Variants in SDK2 observed in about 807,000 individuals in gnomAD.
The protein encoded by SDK2 is protein sidekick-2.
Under a neutral mutation model 253.9 loss-of-function variants are expected in SDK2, and 105 were observed. The ratio of observed to expected loss-of-function variants is 0.41; its 90% CI spans 0.35 to 0.49. The LOEUF (loss-of-function observed/expected upper bound fraction) is 0.49, where lower values mean the gene tolerates loss of function less well. SDK2 is among the 20% of genes least tolerant of loss of function. The pLI is 0.06. For synonymous variants in SDK2, 1,249 were observed against 1,234.9 expected (o/e 1.01, Z -0.24); for missense variants, 2,608 against 3,003.0 (o/e 0.87, Z 3.07).
Position 73,433,786 on chromosome 17 carries a change from C to A in SDK2, c.1258G>T (p.Val420Leu). The change falls in exon 10 of 45, where the codon GTG (valine) becomes TTG (leucine). Residue 420 changes from valine (V) to leucine (L), a missense_variant. This residue lies in a region of SDK2 where 1,505 missense variants were observed against 1,859.1 expected (regional missense o/e 0.81). Transcript: ENST00000392650. The stretch of plus-strand genomic sequence containing the variant: ...GCCCCCGAGGTCTCACATGCTAGCA[C>A]CACTGACATGCCATCGATCACCGTG... ...DSTVIDGMSV[V>L]LACETSGAPR... The A allele has an allele frequency of 6.2e-7, 1 of 1,607,318 alleles. No individual in the cohort carries two copies. The highest frequency in any genetic ancestry group is 8.5e-7 in the Non-Finnish European group (1 of 1,176,906).
chr17:73,515,521 T>A (rs1459423058), intron 1 of SDK2, among the ~76,000 whole-genome samples: 1 of 152,162 alleles, frequency 6.6e-6, no homozygotes, highest in Non-Finnish European at 1.5e-5. Flanking sequence ...AAGAGACTGG[T>A]CCGCCCAGGG....
chr17:73,412,086 ATATATACG>A (rs1568389432), intron 18 of SDK2, among the ~76,000 whole-genome samples: 2 of 88,636 alleles, frequency 2.3e-5, no homozygotes, highest in African/African-American at 5.4e-5. Context: ...ATGTATATGT[ATATATACG>A]TATATATGTA....
chr17:73,360,033 C>T (rs995464890), intron 39 of SDK2, among the ~76,000 whole-genome samples: 15 of 152,356 alleles, frequency 9.8e-5, no homozygotes, highest in African/African-American at 3.4e-4. Context: ...GCCTGGGACA[C>T]TTCAAGCCTC....
rs1012560800 is a variant in SDK2, at chr17:73,497,612, C to T, written c.224+9826G>A. ...CTCCTGCATGGCCAGCAGAGCCTCA[C>T]GTCCCACCAGTTATCCCTCCTCAAT... is the stretch of plus-strand genomic sequence containing the variant. On this transcript the variant is annotated intron_variant, in intron 2 of 44. Coordinates refer to ENST00000392650, the MANE Select transcript of SDK2 (RefSeq NM_001144952.2). Among the ~76,000 whole-genome samples the T allele has an allele frequency of 9.9e-4, 151 of 152,048 alleles. 1 individual carries two copies. Among genetic ancestry groups the T allele is most frequent in the African/African-American group, 3.4e-3 (143 of 41,478 alleles).
rs2063809064 is a variant in SDK2, at chr17:73,491,928, CACAGCTCTGATATTTT to C, written c.224+15494_224+15509del. Among the ~76,000 whole-genome samples, 4 of 152,158 alleles carry C rather than the reference CACAGCTCTGATATTTT, an allele frequency of 2.6e-5. No homozygotes were observed. In the South Asian group the frequency reaches 8.3e-4, roughly 31 times the overall value. On this transcript the variant is annotated intron_variant, in intron 2 of 44. Coordinates refer to ENST00000392650, the MANE Select transcript of SDK2 (RefSeq NM_001144952.2). ...AGGAGGCCAGGAGGGGACTGAGGAGCACAGCTCTGATATTTTACAGTGACCCCCATCAGGATGTGGA... is the reference window on the plus strand; with the variant it reads ...AGGAGGCCAGGAGGGGACTGAGGAGCACAGTGACCCCCATCAGGATGTGGA...
chr17:73,401,020 C>T lies in SDK2; in HGVS notation c.2971G>A (p.Glu991Lys). 1.3e-6 allele frequency: 2 copies of T among 1,569,672 alleles called. No individual in the cohort carries two copies. The highest frequency in any genetic ancestry group is 1.2e-5 in the South Asian group (1 of 85,122). The change falls in exon 21 of 45, where the codon GAA becomes AAA. Residue 991 changes from glutamate (E) to lysine (K), a missense_variant and splice_region_variant. Glu to Lys is a moderately conservative substitution (Grantham distance 56). Around this residue, in one of 2 missense-constraint regions of SDK2, gnomAD observed 1,505 missense variants for 1,859.1 expected, o/e 0.81. Transcript: ENST00000392650. ...TCCTGCCTTGAGAGTGGGCACTTAC[C>T]TGGGGGCACCCCAGAGGAGATGGTG... ...ASTISSGVPP[E>K]LPGPPTNLGI...
chr17:73,529,272 C>CAA (rs2064150764), intron 1 of SDK2, among the ~76,000 whole-genome samples: 1 of 152,122 alleles, frequency 6.6e-6, no homozygotes, highest in Non-Finnish European at 1.5e-5. Flanking sequence ...GGCTGGAAAA[C>CAA]AGAGATTTCA....
At chr17:73,580,774 G>A (rs2045524140) in intron 1 of SDK2, among the ~76,000 whole-genome samples, 1 of 151,778 alleles carries the variant, frequency 6.6e-6, no homozygotes, top group African/African-American at 2.4e-5. Context: ...TTGGATTTGC[G>A]ATTTTTTTCA....
chr17:73,386,644 G>C lies in SDK2; in HGVS notation c.4395-96C>G, dbSNP rs34108310. 1,814 of 825,994 alleles carry C rather than the reference G, an allele frequency of 2.2e-3. 5 individuals are homozygous for C. Among genetic ancestry groups the C allele is most frequent in the Non-Finnish European group, 2.1e-3 (1,047 of 500,204 alleles). The allele number at this position is 825,994 out of a possible 1,614,324, so 51.2% of individuals were successfully genotyped here. A position where few individuals can be genotyped will look rare whatever the true frequency, so the allele number is the denominator to read the frequency against. On this transcript the variant is annotated intron_variant, in intron 30 of 44. Transcript: ENST00000392650. Reference sequence around the variant, plus strand: ...AGTCTCCCTGATCTGGCCCTGCTCGGGAAAGGGGGCAGGGTGCCAGCCTAC... The same window carrying C: ...AGTCTCCCTGATCTGGCCCTGCTCGCGAAAGGGGGCAGGGTGCCAGCCTAC...
At chr17:73,588,387 C>CAAAAAAA (rs1215654213) in intron 1 of SDK2, among the ~76,000 whole-genome samples, 25 of 59,006 alleles carry the variant, frequency 4.2e-4, no homozygotes, top group African/African-American at 1.2e-3. Flanking sequence ...AACTCCATCT[C>CAAAAAAA]AAAAAAAAAA....
At chr17:73,627,684 C>T (rs1310930257) in intron 1 of SDK2, among the ~76,000 whole-genome samples, 1 of 152,356 alleles carries the variant, frequency 6.6e-6, no homozygotes, top group East Asian at 1.9e-4. Context: ...GCTGGGTCAG[C>T]CACGTTCCCA....
intron 1 of SDK2, among the ~76,000 whole-genome samples, chr17:73,622,272 G>T (rs560601421): frequency 6.6e-6 from 1 of 152,204 alleles, no homozygotes; most frequent in Admixed American, 6.5e-5. Flanking sequence ...TCTCTGGGTT[G>T]CCAGAAAGTC....
intron 2 of SDK2, among the ~76,000 whole-genome samples, chr17:73,473,245 G>A (rs1448490638): frequency 6.6e-6 from 1 of 152,186 alleles, no homozygotes; most frequent in Non-Finnish European, 1.5e-5. Context: ...CTGGGAGCAG[G>A]TGTATGTACA....
intron 36 of SDK2, among the ~76,000 whole-genome samples, chr17:73,377,439 G>A (rs1404082299): frequency 4.0e-5 from 6 of 151,524 alleles, no homozygotes; most frequent in African/African-American, 9.7e-5. Context: ...GGCTGGTCTC[G>A]ATCTCCTGAC....
chr17:73,357,105 A>G (rs369042450), intron 40 of SDK2, among the ~76,000 whole-genome samples: 1 of 152,354 alleles, frequency 6.6e-6, no homozygotes, highest in South Asian at 2.1e-4. Flanking sequence ...CACACAGCAG[A>G]TCTGAGCAGC....
Position 73,338,284 on chromosome 17 carries a change from C to T in SDK2, c.*303G>A. The stretch of plus-strand genomic sequence containing the variant: ...TCCGCTCCCTCTCTCTCTCCAGATG[C>T]CCGCCCCACTCCGTGTCCATAGCAG... On this transcript the variant is annotated 3_prime_UTR_variant, in exon 45 of 45. Coordinates refer to ENST00000392650, the MANE Select transcript of SDK2 (RefSeq NM_001144952.2). This position sits in a 1 kb window ranked among gnomAD's most constrained non-coding sequence, Gnocchi z 5.0. 1 of 538,230 alleles carries T rather than the reference C, an allele frequency of 1.9e-6. No homozygotes were observed. The highest frequency in any genetic ancestry group is 3.5e-6 in the Non-Finnish European group (1 of 282,376). 33.3% of individuals were successfully genotyped at this position (538,230 alleles called of 1,614,324 possible). A position where few individuals can be genotyped will look rare whatever the true frequency, so the allele number is the denominator to read the frequency against.
chr17:73,400,986 C>T, intron 21 of SDK2, 34 bp downstream of exon 21: 3 of 1,540,626 alleles, frequency 1.9e-6, no homozygotes, highest in Non-Finnish European at 2.6e-6. Flanking sequence ...CTCAGGAGAA[C>T]TCAAAGAGTC....
chr17:73,622,034 C>T (rs1174560073), intron 1 of SDK2, among the ~76,000 whole-genome samples: 1 of 152,228 alleles, frequency 6.6e-6, no homozygotes, highest in Admixed American at 6.5e-5. Context: ...CAGTTCTCAG[C>T]TACCCGTCCT....
chr17:73,579,902 T>C (rs987595025), intron 1 of SDK2, among the ~76,000 whole-genome samples: 1 of 150,660 alleles, frequency 6.6e-6, no homozygotes, highest in African/African-American at 2.5e-5. Flanking sequence ...TGCTTGGACC[T>C]GGGAGGTGGA....
Sources: allele counts gnomAD v4.1 joint callset (sites outside exome capture counted in the v4.1 genomes callset), GRCh38; gene constraint gnomAD v4.1.1; regional missense constraint gnomAD v4.1.1; non-coding constraint Gnocchi (gnomAD v3.1); transcripts MANE v1.5; gene names NCBI Gene and HGNC (gene_info 2026-07-23, HGNC 2026-07-21).